HUNK: variants seen among roughly 807,000 people sequenced by gnomAD.
HUNK encodes hormonally up-regulated Neu-associated kinase.
Under a neutral mutation model 61.0 loss-of-function variants are expected in HUNK, and 21 were observed. That is an observed-to-expected ratio of 0.34 (90% CI 0.24 to 0.50). The LOEUF is 0.50. Among genes scored for constraint, HUNK ranks in the 20% least tolerant of loss-of-function variants. The pLI is 0.98. For missense variants in HUNK, 772 were observed against 945.7 expected, an observed-to-expected ratio of 0.82 and a Z score of 2.41; for synonymous variants, 371 against 386.1, an observed-to-expected ratio of 0.96 and a Z score of 0.46.
At chr21:31,978,273 C>A (rs796877190) in intron 7 of HUNK, among the ~76,000 whole-genome samples, 21 of 152,234 alleles carry the variant, frequency 1.4e-4, no homozygotes, top group African/African-American at 4.6e-4. Context: ...TGTGGAATGG[C>A]TAAATCAAGC....
intron 2 of HUNK, among the ~76,000 whole-genome samples, chr21:31,928,784 C>T (rs1049978305): frequency 5.3e-5 from 8 of 152,208 alleles, no homozygotes; most frequent in Non-Finnish European, 1.0e-4. Flanking sequence ...GTTCGTATTT[C>T]AGCTGACCAC....
Position 31,974,673 on chromosome 21 carries a change from A to T in HUNK, c.1129A>T (p.Ile377Phe), listed in dbSNP as rs765301879. 1 of 1,614,018 alleles carries T rather than the reference A, an allele frequency of 6.2e-7. No individual in the cohort carries two copies. Among genetic ancestry groups the T allele is most frequent in the East Asian group, 2.2e-5 (1 of 44,862 alleles). ...CAACCGCGCCTGCCACATCCTGGCC[A>T]TCTACTTCCTCTTAAACAAGAAACT... is the stretch of plus-strand genomic sequence containing the variant. ...LSNRACHILA[I>F]YFLLNKKLER... The change falls in exon 7 of 11, where the codon ATC (isoleucine) becomes TTC (phenylalanine). Residue 377 changes from isoleucine to phenylalanine, a missense_variant. Coordinates refer to ENST00000270112, the MANE Select transcript of HUNK (RefSeq NM_014586.2).
At chr21:31,940,724 T>C (rs1380855601) in intron 3 of HUNK, among the ~76,000 whole-genome samples, 2 of 152,136 alleles carry the variant, frequency 1.3e-5, no homozygotes, top group East Asian at 1.9e-4. Context: ...GGCATCATAA[T>C]TGGTTCATAA....
intron 4 of HUNK, among the ~76,000 whole-genome samples, chr21:31,954,226 C>T (rs2052872203): frequency 6.6e-6 from 1 of 152,160 alleles, no homozygotes; most frequent in Non-Finnish European, 1.5e-5. Flanking sequence ...CTATACGACA[C>T]CCCCACCTGG....
chr21:31,965,327 CAA>C (rs201622659), intron 5 of HUNK, among the ~76,000 whole-genome samples: 25 of 113,616 alleles, frequency 2.2e-4, no homozygotes, highest in East Asian at 7.6e-4. Context: ...GAGAGAGGAG[CAA>C]AAAAAAAAAA....
intron 7 of HUNK, among the ~76,000 whole-genome samples, chr21:31,982,284 C>G (rs1474873494): frequency 2.0e-5 from 3 of 152,132 alleles, no homozygotes; most frequent in Non-Finnish European, 2.9e-5. Flanking sequence ...TAGGGCATAC[C>G]TAGTCTGAGA....
At chr21:31,968,170 A>T in intron 5 of HUNK, 80 bp from the exon 6 acceptor site, 1 of 1,564,782 alleles carries the variant, frequency 6.4e-7, no homozygotes, top group Non-Finnish European at 8.7e-7. Flanking sequence ...CAAGGTGGCG[A>T]GTCCCCTGTG....
At position 31,972,735 on chromosome 21, in the gene HUNK, A is replaced by T. The variant is rs991726207; in HGVS notation, c.1011-1820A>T. 2.0e-5 allele frequency among the ~76,000 whole-genome samples: 3 copies of T among 152,316 alleles called. 1 individual carries two copies. The South Asian group carries it at 6.2e-4, about 32-fold the overall frequency. ...CGTGCCAATCCCTCTCCCACATGTT[A>T]TCTGGAATGTGTAATTTTGTGACAA... On this transcript the variant is annotated intron_variant, in intron 6 of 10. Transcript: ENST00000270112.
chr21:31,898,939 T>C (rs1260309106), intron 1 of HUNK, among the ~76,000 whole-genome samples: 1 of 152,192 alleles, frequency 6.6e-6, no homozygotes, highest in Non-Finnish European at 1.5e-5. Flanking sequence ...TGTGAGCTTA[T>C]TCTCTTTTAT....
At chr21:31,946,013 G>A in intron 3 of HUNK, 23 bp from the exon 4 acceptor site, 1 of 1,560,166 alleles carries the variant, frequency 6.4e-7, no homozygotes, top group East Asian at 2.3e-5. Context: ...TTCGGAGCTT[G>A]TTTTGTTCAC....
At chr21:31,916,508 G>A (rs965834341) in intron 1 of HUNK, among the ~76,000 whole-genome samples, 8 of 151,986 alleles carry the variant, frequency 5.3e-5, no homozygotes, top group African/African-American at 1.9e-4. Context: ...AACAAAGGCC[G>A]TCAAGCATGG....
rs1278298846 is a variant in HUNK, at chr21:31,900,045, G to T, written c.262-24423G>T. ...CCTCCTTGGGCTCCCAAAGTGCTGG[G>T]ATTACAGGCATGAGCCACTGCTCCC... On this transcript the variant is annotated intron_variant, in intron 1 of 10. Coordinates refer to ENST00000270112, the MANE Select transcript of HUNK (RefSeq NM_014586.2). Among the ~76,000 whole-genome samples the T allele has an allele frequency of 5.9e-5, 9 of 152,086 alleles. No homozygotes were observed. In the East Asian group the frequency reaches 1.7e-3, roughly 29 times the overall value.
intron 7 of HUNK, among the ~76,000 whole-genome samples, chr21:31,980,317 G>T (rs935794638): frequency 6.6e-6 from 1 of 150,798 alleles, no homozygotes; most frequent in Non-Finnish European, 1.5e-5. Flanking sequence ...TGGTCTGCCC[G>T]CATCGGCCTC....
chr21:31,920,824 A>G (rs940786004), intron 1 of HUNK, among the ~76,000 whole-genome samples: 14 of 152,148 alleles, frequency 9.2e-5, no homozygotes, highest in Admixed American at 5.2e-4. Flanking sequence ...TGTTACTCCC[A>G]TCTTTGGATT....
intron 1 of HUNK, among the ~76,000 whole-genome samples, chr21:31,883,255 C>T (rs2052322229): frequency 6.6e-6 from 1 of 152,104 alleles, no homozygotes; most frequent in South Asian, 2.1e-4. Flanking sequence ...TATAACCACA[C>T]CCATCTGGTA....
intron 9 of HUNK, among the ~76,000 whole-genome samples, chr21:31,991,880 G>A (rs114165348): frequency 2.4e-4 from 36 of 152,326 alleles, no homozygotes; most frequent in Admixed American, 9.8e-4. Flanking sequence ...GCAAGCATCC[G>A]TCCCTGTTAA....
At chr21:31,881,864 G>A (rs1216095582) in intron 1 of HUNK, among the ~76,000 whole-genome samples, 2 of 152,118 alleles carry the variant, frequency 1.3e-5, no homozygotes, top group Non-Finnish European at 2.9e-5. Context: ...ACACGCTGGG[G>A]GATTTTCTGG....
chr21:31,973,051 C>T (rs2053022695), intron 6 of HUNK, among the ~76,000 whole-genome samples: 1 of 152,186 alleles, frequency 6.6e-6, no homozygotes, highest in Non-Finnish European at 1.5e-5. Context: ...CAAATGTCTT[C>T]AGACCCCTTG....
intron 7 of HUNK, among the ~76,000 whole-genome samples, chr21:31,981,369 A>T (rs200107061): frequency 2.7e-5 from 4 of 147,258 alleles, no homozygotes. Context: ...AAATGTTAGG[A>T]TTTTTTTTTT....
Sources: allele counts gnomAD v4.1 joint callset (sites outside exome capture counted in the v4.1 genomes callset), GRCh38; gene constraint gnomAD v4.1.1; transcripts MANE v1.5; gene names NCBI Gene and HGNC (gene_info 2026-07-23, HGNC 2026-07-21).